SYNDIG1: variants seen among roughly 807,000 people sequenced by gnomAD.
The protein encoded by SYNDIG1 is synapse differentiation-inducing gene protein 1.
In SYNDIG1, 9 loss-of-function variants were observed where a neutral mutation model predicts 19.4. The ratio of observed to expected loss-of-function variants is 0.46; its 90% CI spans 0.28 to 0.81. The LOEUF (loss-of-function observed/expected upper bound fraction) is 0.81. SYNDIG1 is among the 30% of genes least tolerant of loss of function. The pLI is 0.12. For missense variants in SYNDIG1, 311 were observed against 343.3 expected (o/e 0.91, Z 0.74); for synonymous variants, 141 against 145.9 (o/e 0.97, Z 0.24).
chr20:24,558,458 C>A (rs189925627), intron 2 of SYNDIG1, among the ~76,000 whole-genome samples: 34 of 152,298 alleles, frequency 2.2e-4, no homozygotes, highest in Admixed American at 1.7e-3. Context: ...ATACCTGAAT[C>A]ACATTTTCGA....
intron 1 of SYNDIG1, among the ~76,000 whole-genome samples, chr20:24,517,740 T>C (rs1177461829): frequency 2.1e-5 from 3 of 144,940 alleles, no homozygotes; most frequent in Non-Finnish European, 4.5e-5. Flanking sequence ...ATATTATATA[T>C]GTGTATGTGT....
chr20:24,657,423 G>A (rs527368528), intron 3 of SYNDIG1, among the ~76,000 whole-genome samples: 13 of 152,298 alleles, frequency 8.5e-5, no homozygotes, highest in South Asian at 2.1e-4. Flanking sequence ...AGCAGGAGGC[G>A]GAGGGGATCG....
chr20:24,661,736 G>A (rs1600844418), intron 3 of SYNDIG1, among the ~76,000 whole-genome samples: 2 of 152,124 alleles, frequency 1.3e-5, no homozygotes, highest in East Asian at 3.9e-4. Flanking sequence ...ACTGGGCAAG[G>A]GCAGCCTGGC....
intron 3 of SYNDIG1, among the ~76,000 whole-genome samples, chr20:24,585,507 T>C (rs1001296102): frequency 9.9e-5 from 15 of 152,168 alleles, no homozygotes; most frequent in African/African-American, 2.7e-4. Context: ...CTTGTGGAAA[T>C]AGCACATCTC....
At chr20:24,593,831 C>T (rs556195954) in intron 3 of SYNDIG1, among the ~76,000 whole-genome samples, 1 of 151,682 alleles carries the variant, frequency 6.6e-6, no homozygotes, top group Non-Finnish European at 1.5e-5. Context: ...GCATGTATGT[C>T]TTCTTTTGAA....
chr20:24,649,801 C>A (rs907671536), intron 3 of SYNDIG1, among the ~76,000 whole-genome samples: 6 of 152,140 alleles, frequency 3.9e-5, no homozygotes, highest in African/African-American at 1.4e-4. Flanking sequence ...CCATGTCATC[C>A]CAGTTGGCCA....
intron 2 of SYNDIG1, among the ~76,000 whole-genome samples, chr20:24,576,281 T>G (rs2026565): frequency 0.27 from 41,354 of 152,164 alleles, 6,139 homozygotes; most frequent in African/African-American, 0.36. Flanking sequence ...ATCTGGGTAA[T>G]GGAGAGCTGA....
intron 3 of SYNDIG1, among the ~76,000 whole-genome samples, chr20:24,632,623 T>A (rs1015385873): frequency 2.0e-5 from 3 of 152,174 alleles, no homozygotes; most frequent in Admixed American, 2.0e-4. Flanking sequence ...AGACCCCTGG[T>A]CCCAGGACCA....
At chr20:24,515,285 C>A (rs1029839659) in intron 1 of SYNDIG1, among the ~76,000 whole-genome samples, 1 of 152,120 alleles carries the variant, frequency 6.6e-6, no homozygotes, top group Non-Finnish European at 1.5e-5. Context: ...CAGAGAAGAA[C>A]TGAAGGAGAT....
At chr20:24,536,884 A>G (rs1022551296) in intron 1 of SYNDIG1, among the ~76,000 whole-genome samples, 2 of 152,170 alleles carry the variant, frequency 1.3e-5, no homozygotes, top group Admixed American at 6.5e-5. Flanking sequence ...TGGGTCCTGG[A>G]CCCCAAAGTT....
intron 1 of SYNDIG1, among the ~76,000 whole-genome samples, chr20:24,533,792 C>T (rs550122625): frequency 1.5e-4 from 23 of 152,298 alleles, no homozygotes; most frequent in African/African-American, 5.5e-4. Flanking sequence ...GCCGTGATAG[C>T]ACCATCAATC....
intron 2 of SYNDIG1, among the ~76,000 whole-genome samples, chr20:24,581,634 G>A (rs2058324761): frequency 2.0e-5 from 3 of 152,196 alleles, no homozygotes; most frequent in African/African-American, 7.2e-5. Context: ...AGTCGACAGG[G>A]CCGTGTGTGA....
intron 2 of SYNDIG1, among the ~76,000 whole-genome samples, chr20:24,583,527 T>C (rs891653567): frequency 1.1e-4 from 16 of 152,236 alleles, no homozygotes; most frequent in Admixed American, 9.2e-4. Context: ...CATCTTTGTA[T>C]AGGACAAATG....
intron 1 of SYNDIG1, among the ~76,000 whole-genome samples, chr20:24,497,593 C>A (rs1460135596): frequency 6.6e-6 from 1 of 152,198 alleles, no homozygotes; most frequent in Non-Finnish European, 1.5e-5. Context: ...TTGAACTAGT[C>A]TTCTATGTGC....
intron 1 of SYNDIG1, among the ~76,000 whole-genome samples, chr20:24,501,205 T>C (rs2056446411): frequency 6.6e-6 from 1 of 152,210 alleles, no homozygotes; most frequent in Non-Finnish European, 1.5e-5. Flanking sequence ...GTACTTTACA[T>C]ATGTAGGGTG....
At chr20:24,507,274 C>A (rs2056616522) in intron 1 of SYNDIG1, among the ~76,000 whole-genome samples, 1 of 152,252 alleles carries the variant, frequency 6.6e-6, no homozygotes, top group Non-Finnish European at 1.5e-5. Flanking sequence ...TGCCTGCTGG[C>A]CAGAGGATGC....
chr20:24,655,098 C>A (rs571456805), intron 3 of SYNDIG1, among the ~76,000 whole-genome samples: 60 of 152,062 alleles, frequency 3.9e-4, no homozygotes, highest in Non-Finnish European at 7.3e-4. Context: ...CAAAGGGAAG[C>A]AAAACAAATT....
At chr20:24,558,936 G>A (rs1201434343) in intron 2 of SYNDIG1, among the ~76,000 whole-genome samples, 1 of 152,088 alleles carries the variant, frequency 6.6e-6, no homozygotes, top group East Asian at 1.9e-4. Flanking sequence ...TTATAACAAG[G>A]AAAAACAGTT....
chr20:24,618,854 G>T lies in SYNDIG1; in HGVS notation c.618+33861G>T, dbSNP rs569593380. ...TTTTTTATTTTATTTATTTTGTGGT[G>T]GTTGTTGTTGTTTCAGATATGTAAC... is the stretch of plus-strand genomic sequence containing the variant. On this transcript the variant is annotated intron_variant, in intron 3 of 3. Transcript: ENST00000376862. Among the ~76,000 whole-genome samples the T allele has an allele frequency of 4.6e-5, 7 of 151,990 alleles. No individual in the cohort carries two copies. The East Asian group carries it at 9.7e-4, about 21-fold the overall frequency.
Sources: gnomAD v4.1 joint callset for allele counts (sites outside exome capture counted in the v4.1 genomes callset) on GRCh38, gnomAD v4.1.1 for gene constraint, MANE v1.5 for transcripts, NCBI Gene and HGNC (gene_info 2026-07-23, HGNC 2026-07-21) for gene names.